Variants in CCDC85A observed in about 807,000 individuals in gnomAD.
CCDC85A encodes coiled-coil domain containing 85A, also known as coiled-coil domain-containing protein 85A.
In CCDC85A, 38 loss-of-function variants were observed where a neutral mutation model predicts 50.2. That is an observed-to-expected ratio of 0.76 (90% CI 0.58 to 0.99). The LOEUF (loss-of-function observed/expected upper bound fraction) is 0.99, where lower values mean the gene tolerates loss of function less well. Among genes scored for constraint, CCDC85A ranks in the 50% least tolerant of loss-of-function variants. CCDC85A has a pLI of 0.00. For missense variants in CCDC85A, 820 were observed against 742.0 expected (o/e 1.11, Z -1.22); for synonymous variants, 366 against 301.4 (o/e 1.21, Z -2.22).
intron 2 of CCDC85A, among the ~76,000 whole-genome samples, chr2:56,272,899 A>C (rs1670759626): frequency 1.3e-5 from 2 of 152,152 alleles, no homozygotes; most frequent in African/African-American, 2.4e-5. Context: ...GTATTTGAAG[A>C]AAGCTTTCAA....
chr2:56,332,681 C>T (rs115186876), intron 2 of CCDC85A, among the ~76,000 whole-genome samples: 2 of 136,590 alleles, frequency 1.5e-5, no homozygotes, highest in East Asian at 2.7e-4. Flanking sequence ...CACTGCCCCC[C>T]CTTTTCCCCC....
At chr2:56,243,485 T>C (rs1290906442) in intron 2 of CCDC85A, among the ~76,000 whole-genome samples, 2 of 152,140 alleles carry the variant, frequency 1.3e-5, no homozygotes, top group Non-Finnish European at 2.9e-5. Context: ...TGATTCTTTT[T>C]ATTTATTTCA....
At chr2:56,238,485 A>G (rs1669119784) in intron 2 of CCDC85A, among the ~76,000 whole-genome samples, 1 of 151,630 alleles carries the variant, frequency 6.6e-6, no homozygotes, top group Admixed American at 6.6e-5. Context: ...TTTATGTTTA[A>G]TATTCTATTA....
intron 2 of CCDC85A, among the ~76,000 whole-genome samples, chr2:56,336,854 G>C (rs1311047546): frequency 2.0e-5 from 3 of 151,984 alleles, no homozygotes; most frequent in Non-Finnish European, 2.9e-5. Context: ...TTACTGTAAA[G>C]GTAAATCCAT....
intron 1 of CCDC85A, among the ~76,000 whole-genome samples, chr2:56,190,949 C>G (rs1052162677): frequency 6.6e-6 from 1 of 152,214 alleles, no homozygotes; most frequent in African/African-American, 2.4e-5. Flanking sequence ...CCTTTCCCGT[C>G]GCTGACCATG....
chr2:56,189,633 G>T (rs1676213131), intron 1 of CCDC85A, among the ~76,000 whole-genome samples: 1 of 152,002 alleles, frequency 6.6e-6, no homozygotes, highest in South Asian at 2.1e-4. Context: ...TTTTATTTTA[G>T]ATTCGGAGAG....
At position 56,245,455 on chromosome 2, in the gene CCDC85A, C is replaced by T. The variant is rs757337797; in HGVS notation, c.1240+52015C>T. Among the ~76,000 whole-genome samples the T allele has an allele frequency of 4.6e-5, 7 of 152,240 alleles. 1 individual carries two copies. The highest frequency in any genetic ancestry group is 1.0e-4 in the Non-Finnish European group (7 of 68,044). ...AGGGGGTGGCCTCAGCAATTCAAGA[C>T]TATCTTTCCTATCTTCTTCAGTGCC... On this transcript the variant is annotated intron_variant, in intron 2 of 5. Transcript: ENST00000407595.
intron 2 of CCDC85A, among the ~76,000 whole-genome samples, chr2:56,285,744 AAAT>A (rs1671414893): frequency 1.3e-5 from 2 of 151,838 alleles, no homozygotes; most frequent in Admixed American, 1.3e-4. Flanking sequence ...ATATGCCTTT[AAAT>A]AGTTTTCTTT....
chr2:56,232,856 C>T (rs965836729), intron 2 of CCDC85A, among the ~76,000 whole-genome samples: 1 of 152,102 alleles, frequency 6.6e-6, no homozygotes, highest in Non-Finnish European at 1.5e-5. Flanking sequence ...TCCCAGCTGC[C>T]CCTCTTTTGT....
chr2:56,244,576 G>A (rs182837335), intron 2 of CCDC85A, among the ~76,000 whole-genome samples: 1 of 151,704 alleles, frequency 6.6e-6, no homozygotes, highest in Non-Finnish European at 1.5e-5. Flanking sequence ...GGATAAGCTG[G>A]TACCTAGGCT....
At chr2:56,255,837 G>C (rs1305276993) in intron 2 of CCDC85A, among the ~76,000 whole-genome samples, 2 of 152,030 alleles carry the variant, frequency 1.3e-5, no homozygotes, top group African/African-American at 4.8e-5. Context: ...ATGAAAGAGA[G>C]AATGAACACA....
chr2:56,309,764 A>G (rs766569099), intron 2 of CCDC85A, among the ~76,000 whole-genome samples: 37 of 152,282 alleles, frequency 2.4e-4, no homozygotes, highest in Non-Finnish European at 4.6e-4. Context: ...AGGACCTAAA[A>G]GGATGCGTGC....
At chr2:56,368,003 A>G (rs1004223331) in intron 3 of CCDC85A, among the ~76,000 whole-genome samples, 15 of 103,296 alleles carry the variant, frequency 1.5e-4, no homozygotes, top group Middle Eastern at 0.011. Context: ...CAGATCAAGA[A>G]TTTAAACTCC....
rs547824041 is a variant in CCDC85A at position 56,373,709 on chromosome 2, C to A, written c.1452+1231C>A. Among the ~76,000 whole-genome samples, 358 of 152,292 alleles carry A rather than the reference C, an allele frequency of 2.4e-3. 2 individuals are homozygous for A. Among genetic ancestry groups the A allele is most frequent in the Non-Finnish European group, 4.3e-3 (294 of 68,032 alleles). On this transcript the variant is annotated intron_variant, in intron 4 of 5. Transcript: ENST00000407595. The stretch of plus-strand genomic sequence containing the variant: ...GCCTTCTAAATTAGAGGAAATATGA[C>A]TTCTAAGTCAGAGGAAATATGGCAC...
intron 2 of CCDC85A, among the ~76,000 whole-genome samples, chr2:56,277,064 G>A (rs1051099741): frequency 3.9e-5 from 6 of 152,334 alleles, no homozygotes; most frequent in Non-Finnish European, 7.3e-5. Flanking sequence ...TGAGGCCGCA[G>A]AGTCCTCTCT....
chr2:56,368,171 C>T (rs1247043649), intron 3 of CCDC85A, among the ~76,000 whole-genome samples: 2 of 152,106 alleles, frequency 1.3e-5, no homozygotes, highest in Non-Finnish European at 2.9e-5. Flanking sequence ...ACTATACATC[C>T]AGGAAATTAC....
In CCDC85A at chr2:56,347,352, G is replaced by A. The variant is rs78694962; in HGVS notation, c.1317+4397G>A. ...ATGTGCACAGTGGCTCCCTTAATCCGTTCATACCATTAATATGATTCAGTG... is the reference window on the plus strand; with the variant it reads ...ATGTGCACAGTGGCTCCCTTAATCCATTCATACCATTAATATGATTCAGTG... On this transcript the variant is annotated intron_variant, in intron 3 of 5. Coordinates refer to ENST00000407595, the MANE Select transcript of CCDC85A (RefSeq NM_001080433.2). Among the ~76,000 whole-genome samples, 1,163 of 152,168 alleles carry A rather than the reference G, an allele frequency of 7.6e-3. 6 individuals are homozygous for A. The highest frequency in any genetic ancestry group is 0.012 in the Non-Finnish European group (802 of 68,000).
chr2:56,272,002 G>C (rs558560616), intron 2 of CCDC85A, among the ~76,000 whole-genome samples: 1 of 152,310 alleles, frequency 6.6e-6, no homozygotes, highest in African/African-American at 2.4e-5. Context: ...GAGGTGGGTA[G>C]TGAGGAGTGT....
intron 2 of CCDC85A, among the ~76,000 whole-genome samples, chr2:56,256,362 C>G (rs1340721792): frequency 2.6e-5 from 4 of 152,140 alleles, no homozygotes; most frequent in African/African-American, 9.7e-5. Context: ...ATGGGAATAT[C>G]TTTCAGATGT....
Sources: gnomAD v4.1 joint callset for allele counts (sites outside exome capture counted in the v4.1 genomes callset) on GRCh38, gnomAD v4.1.1 for gene constraint, MANE v1.5 for transcripts, NCBI Gene and HGNC (gene_info 2026-07-23, HGNC 2026-07-21) for gene names.